ST8SIA4: variants seen among roughly 807,000 people sequenced by gnomAD.
ST8SIA4 encodes CMP-N-acetylneuraminate-poly-alpha-2,8-sialyltransferase.
ST8SIA4 carries 15 observed loss-of-function variants against 33.9 expected under a neutral mutation model. The ratio of observed to expected loss-of-function variants is 0.44; its 90% CI spans 0.30 to 0.68. The LOEUF (loss-of-function observed/expected upper bound fraction) is 0.68, where lower values mean the gene tolerates loss of function less well. ST8SIA4 is among the 30% of genes least tolerant of loss of function. The pLI is 0.10. For missense variants in ST8SIA4, 321 were observed against 428.0 expected (o/e 0.75, Z 2.21); for synonymous variants, 171 against 151.2 (o/e 1.13, Z -0.96).
At chr5:100,837,415 T>C (rs761778583) in intron 4 of ST8SIA4, among the ~76,000 whole-genome samples, 1 of 152,032 alleles carries the variant, frequency 6.6e-6, no homozygotes, top group Non-Finnish European at 1.5e-5. Context: ...GAAAATATTC[T>C]AATACATGAG....
intron 3 of ST8SIA4, among the ~76,000 whole-genome samples, chr5:100,882,161 G>A (rs528966337): frequency 6.6e-6 from 1 of 152,318 alleles, no homozygotes; most frequent in South Asian, 2.1e-4. Context: ...TTGTTGAATG[G>A]CATTGACCAA....
At chr5:100,846,583 T>G (rs1751577557) in intron 4 of ST8SIA4, among the ~76,000 whole-genome samples, 1 of 150,402 alleles carries the variant, frequency 6.6e-6, no homozygotes, top group Non-Finnish European at 1.5e-5. Context: ...GGAAAAAGAG[T>G]GAGAAATGAT....
At chr5:100,846,446 A>T (rs1415576832) in intron 4 of ST8SIA4, among the ~76,000 whole-genome samples, 1 of 152,016 alleles carries the variant, frequency 6.6e-6, no homozygotes, top group African/African-American at 2.4e-5. Context: ...CTATGAAAAA[A>T]TTTAAAATAA....
intron 3 of ST8SIA4, among the ~76,000 whole-genome samples, chr5:100,859,335 T>G (rs1580466716): frequency 6.6e-6 from 1 of 152,126 alleles, no homozygotes; most frequent in East Asian, 1.9e-4. Flanking sequence ...CTTAATCTCA[T>G]AAAATAGAGG....
chr5:100,842,622 T>C (rs557790566), intron 4 of ST8SIA4, among the ~76,000 whole-genome samples: 1 of 151,808 alleles, frequency 6.6e-6, no homozygotes, highest in African/African-American at 2.4e-5. Context: ...TATTTTGGTA[T>C]AAGGTTAGCT....
In ST8SIA4 at chr5:100,857,337, C is replaced by T. The variant is rs116735276; in HGVS notation, c.504-941G>A. 5.9e-3 allele frequency among the ~76,000 whole-genome samples: 889 copies of T among 151,632 alleles called. 6 individuals are homozygous for T. The highest frequency in any genetic ancestry group is 9.8e-3 in the Non-Finnish European group (662 of 67,824). ...AACCAATTTCTGATGCTTCTTTGATCGGTCACATAGACCTTTTTATACCTG... is the reference window on the plus strand; with the variant it reads ...AACCAATTTCTGATGCTTCTTTGATTGGTCACATAGACCTTTTTATACCTG... On this transcript the variant is annotated intron_variant, in intron 3 of 4. Coordinates refer to ENST00000231461, the MANE Select transcript of ST8SIA4 (RefSeq NM_005668.6).
At chr5:100,896,612 T>C (rs1752785577) in intron 1 of ST8SIA4, among the ~76,000 whole-genome samples, 1 of 152,142 alleles carries the variant, frequency 6.6e-6, no homozygotes, top group South Asian at 2.1e-4. Context: ...GCTTTTGAGG[T>C]GATGGATATG....
At chr5:100,835,107 A>G (rs1452787460) in intron 4 of ST8SIA4, among the ~76,000 whole-genome samples, 4 of 152,174 alleles carry the variant, frequency 2.6e-5, no homozygotes, top group African/African-American at 9.6e-5. Flanking sequence ...TCCAGAAAAT[A>G]TATTAATTTG....
At chr5:100,822,482 T>C (rs1051430116) in intron 4 of ST8SIA4, among the ~76,000 whole-genome samples, 1 of 152,252 alleles carries the variant, frequency 6.6e-6, no homozygotes, top group African/African-American at 2.4e-5. Flanking sequence ...TTGCAATGTC[T>C]GTGTTTCAGA....
chr5:100,872,563 G>A (rs865985383), intron 3 of ST8SIA4, among the ~76,000 whole-genome samples: 15 of 151,976 alleles, frequency 9.9e-5, no homozygotes, highest in East Asian at 3.9e-4. Flanking sequence ...AGTTTCCTCC[G>A]TCCTGTTCTT....
intron 4 of ST8SIA4, among the ~76,000 whole-genome samples, chr5:100,816,298 A>G (rs1750915407): frequency 6.6e-6 from 1 of 152,236 alleles, no homozygotes; most frequent in African/African-American, 2.4e-5. Flanking sequence ...ATCTCATAAT[A>G]AAAGCAGATA....
At chr5:100,840,181 C>A (rs937794253) in intron 4 of ST8SIA4, among the ~76,000 whole-genome samples, 1 of 151,738 alleles carries the variant, frequency 6.6e-6, no homozygotes, top group Non-Finnish European at 1.5e-5. Context: ...TCTCCAAGTT[C>A]TTATAAATTT....
chr5:100,871,227 G>T (rs1198470388), intron 3 of ST8SIA4, among the ~76,000 whole-genome samples: 1 of 152,022 alleles, frequency 6.6e-6, no homozygotes, highest in Non-Finnish European at 1.5e-5. Flanking sequence ...AGGAGGTCAA[G>T]AAGGTGATTT....
intron 4 of ST8SIA4, among the ~76,000 whole-genome samples, chr5:100,816,171 T>G (rs575841778): frequency 6.6e-6 from 1 of 152,206 alleles, no homozygotes; most frequent in Non-Finnish European, 1.5e-5. Context: ...ATTCCTTGTC[T>G]CCTTCCTCCT....
chr5:100,824,170 T>A lies in ST8SIA4; in HGVS notation c.798-12041A>T, dbSNP rs944922512. On this transcript the variant is annotated intron_variant, in intron 4 of 4. Transcript: ENST00000231461. ...TTTACGAAGAAATGTACAGTATTAT[T>A]GACCATCTGTTTCTATTTTAGTACA... 3.3e-5 allele frequency among the ~76,000 whole-genome samples: 5 copies of A among 152,196 alleles called. No homozygotes were observed. In the East Asian group the frequency reaches 9.6e-4, roughly 29 times the overall value.
chr5:100,847,905 G>A (rs1751601789), intron 4 of ST8SIA4, among the ~76,000 whole-genome samples: 1 of 151,916 alleles, frequency 6.6e-6, no homozygotes, highest in Non-Finnish European at 1.5e-5. Flanking sequence ...GGGAATCCTG[G>A]GCGGGTACAT....
chr5:100,901,615 C>G (rs571490149), intron 1 of ST8SIA4, among the ~76,000 whole-genome samples: 8 of 152,116 alleles, frequency 5.3e-5, no homozygotes, highest in African/African-American at 1.4e-4. Context: ...TGTATAGATT[C>G]GTTGATGCAT....
Position 100,856,191 on chromosome 5 carries a change from C to A in ST8SIA4, c.709G>T (p.Val237Leu). Residue 237 changes from valine (V) to leucine (L), a missense_variant, in exon 4 of 5, where the codon GTG (valine) becomes TTG (leucine). Val to Leu is a conservative substitution (Grantham distance 32). Transcript: ENST00000231461. ...AFMVKGGEKH[V>L]EWVNALILKN... ...AGGATTAATGCATTAACCCACTCCA[C>A]GTGCTTCTCTCCTCCTTTGACCATG... 6.2e-7 allele frequency: 1 copy of A among 1,614,112 alleles called. No homozygotes were observed. The highest frequency in any genetic ancestry group is 8.5e-7 in the Non-Finnish European group (1 of 1,179,998).
intron 4 of ST8SIA4, among the ~76,000 whole-genome samples, chr5:100,839,771 G>A (rs1454120512): frequency 6.6e-6 from 1 of 151,688 alleles, no homozygotes; most frequent in Non-Finnish European, 1.5e-5. Context: ...CACAAATATT[G>A]CCATGCTATT....
Sources: gnomAD v4.1 joint callset for allele counts (sites outside exome capture counted in the v4.1 genomes callset) on GRCh38, gnomAD v4.1.1 for gene constraint, MANE v1.5 for transcripts, NCBI Gene and HGNC (gene_info 2026-07-23, HGNC 2026-07-21) for gene names.